Variants in LYPLAL1 observed in about 807,000 individuals in gnomAD.
The protein encoded by LYPLAL1 is lysophospholipase like 1.
In LYPLAL1, 23 loss-of-function variants were observed where a neutral mutation model predicts 19.7. That is an observed-to-expected ratio of 1.17 (90% CI 0.84 to 1.65). The LOEUF (loss-of-function observed/expected upper bound fraction) is 1.65, where lower values mean the gene tolerates loss of function less well. Among genes scored for constraint, LYPLAL1 ranks in the 40% most tolerant of loss-of-function variants. LYPLAL1 has a pLI of 0.00. For synonymous variants in LYPLAL1, 119 were observed against 96.3 expected (o/e 1.24, Z -1.38); for missense variants, 355 against 279.4 (o/e 1.27, Z -1.93).
At chr1:219,303,543 C>T in the LYPLAL1 span, among the ~76,000 whole-genome samples, 2 of 152,192 alleles carry the variant, frequency 1.3e-5, no homozygotes, top group African/African-American at 4.8e-5. Flanking sequence ...GGTTGGAGCT[C>T]ATCTACTATG....
the LYPLAL1 span, among the ~76,000 whole-genome samples, chr1:219,392,743 TACCCA>T: frequency 5.9e-5 from 9 of 152,300 alleles, no homozygotes; most frequent in East Asian, 1.7e-3. Flanking sequence ...ATATTTTATT[TACCCA>T]GATGAACTTT....
chr1:219,194,084 C>T (rs965167434), intron 3 of LYPLAL1, among the ~76,000 whole-genome samples: 1 of 151,832 alleles, frequency 6.6e-6, no homozygotes, highest in African/African-American at 2.4e-5. Context: ...TCATGAGAGA[C>T]AACATGATAT....
the LYPLAL1 span, among the ~76,000 whole-genome samples, chr1:219,253,929 C>G: frequency 6.6e-6 from 1 of 152,180 alleles, no homozygotes; most frequent in Admixed American, 6.6e-5. Flanking sequence ...TTGTAGGTCT[C>G]TAAGAACTTG....
chr1:219,233,785 T>C, the LYPLAL1 span, among the ~76,000 whole-genome samples: 1 of 146,632 alleles, frequency 6.8e-6, no homozygotes, highest in African/African-American at 2.5e-5. Context: ...AAAAAAAAGA[T>C]GATAAATTTT....
chr1:219,424,179 C>A, the LYPLAL1 span, among the ~76,000 whole-genome samples: 1 of 151,862 alleles, frequency 6.6e-6, no homozygotes, highest in African/African-American at 2.4e-5. Flanking sequence ...GGTAGACTTA[C>A]GTAAAAGAAT....
chr1:219,228,740 C>T, the LYPLAL1 span, among the ~76,000 whole-genome samples: 5 of 152,056 alleles, frequency 3.3e-5, no homozygotes, highest in South Asian at 2.1e-4. Flanking sequence ...AGTGCAATGG[C>T]GCGATCTTGG....
chr1:219,274,744 A>G, the LYPLAL1 span, among the ~76,000 whole-genome samples: 3 of 152,032 alleles, frequency 2.0e-5, no homozygotes, highest in Admixed American at 6.6e-5. Flanking sequence ...AGTAGGTTCT[A>G]TTTTCTATGC....
chr1:219,196,690 GA>G (rs1657629552), intron 3 of LYPLAL1, among the ~76,000 whole-genome samples: 1 of 152,106 alleles, frequency 6.6e-6, no homozygotes. Flanking sequence ...GTTCAAATAG[GA>G]AGAGAAGAAG....
At chr1:219,394,559 C>T in the LYPLAL1 span, among the ~76,000 whole-genome samples, 2 of 152,162 alleles carry the variant, frequency 1.3e-5, no homozygotes, top group East Asian at 1.9e-4. Flanking sequence ...CACTGGGTAC[C>T]ACATACATGT....
chr1:219,185,680 C>T (rs1372253842), intron 2 of LYPLAL1, among the ~76,000 whole-genome samples: 1 of 151,804 alleles, frequency 6.6e-6, no homozygotes, highest in African/African-American at 2.4e-5. Flanking sequence ...AATGACTCGT[C>T]GTGTGATTGC....
downstream of LYPLAL1, among the ~76,000 whole-genome samples, chr1:219,216,861 C>G (rs1365101231): frequency 6.6e-6 from 1 of 152,120 alleles, no homozygotes; most frequent in Admixed American, 6.5e-5. Flanking sequence ...TAGAGCTTAC[C>G]TCATTTGTCT....
the LYPLAL1 span, among the ~76,000 whole-genome samples, chr1:219,324,411 C>A: frequency 1.3e-5 from 2 of 152,130 alleles, no homozygotes; most frequent in Non-Finnish European, 2.9e-5. Flanking sequence ...GAAAGCCTGA[C>A]CTTAACAATT....
intron 3 of LYPLAL1, chr1:219,199,856 T>C (rs1365446819): frequency 9.5e-6 from 2 of 210,866 alleles, no homozygotes; most frequent in Non-Finnish European, 2.0e-5. Flanking sequence ...CCTTCAAGTG[T>C]CCAAGAAATT....
At chr1:219,308,499 G>T in the LYPLAL1 span, among the ~76,000 whole-genome samples, 1 of 152,218 alleles carries the variant, frequency 6.6e-6, no homozygotes, top group Non-Finnish European at 1.5e-5. Context: ...CAGAGGTCTA[G>T]GAGGAAATAA....
the LYPLAL1 span, among the ~76,000 whole-genome samples, chr1:219,305,491 G>T: frequency 6.6e-6 from 1 of 152,128 alleles, no homozygotes; most frequent in African/African-American, 2.4e-5. Context: ...ATGTTTTGGG[G>T]TCACAAAATT....
At chr1:219,318,658 G>T in the LYPLAL1 span, among the ~76,000 whole-genome samples, 1 of 152,178 alleles carries the variant, frequency 6.6e-6, no homozygotes, top group Non-Finnish European at 1.5e-5. Flanking sequence ...CTAGTCCTTG[G>T]AATTAAATAA....
the LYPLAL1 span, among the ~76,000 whole-genome samples, chr1:219,295,325 T>C: frequency 6.6e-6 from 1 of 152,188 alleles, no homozygotes; most frequent in African/African-American, 2.4e-5. Flanking sequence ...GAAGAGATTG[T>C]ATCATTTTCA....
At chr1:219,398,582 C>A in the LYPLAL1 span, among the ~76,000 whole-genome samples, 33 of 152,292 alleles carry the variant, frequency 2.2e-4, no homozygotes, top group East Asian at 5.6e-3. Flanking sequence ...ACAGTTCAGA[C>A]CCTTGCTGAG....
the LYPLAL1 span, among the ~76,000 whole-genome samples, chr1:219,326,736 G>A: frequency 3.9e-5 from 6 of 152,266 alleles, no homozygotes; most frequent in African/African-American, 1.4e-4. Context: ...AAAGTGTCAA[G>A]GGGAAAAAGT....
Sources: gnomAD v4.1 joint callset for allele counts (sites outside exome capture counted in the v4.1 genomes callset) on GRCh38, gnomAD v4.1.1 for gene constraint, MANE v1.5 for transcripts, NCBI Gene and HGNC (gene_info 2026-07-23, HGNC 2026-07-21) for gene names.